Variants in RALGAPA2 observed in about 807,000 individuals in gnomAD.
RALGAPA2 encodes Ral GTPase activating protein catalytic subunit alpha 2, also known as ral GTPase-activating protein subunit alpha-2.
In RALGAPA2, 139 loss-of-function variants were observed where a neutral mutation model predicts 230.4. The ratio of observed to expected loss-of-function variants is 0.60; its 90% CI spans 0.53 to 0.69. The LOEUF is 0.69. Among genes scored for constraint, RALGAPA2 ranks in the 30% least tolerant of loss-of-function variants. RALGAPA2 has a pLI of 0.00. For missense variants in RALGAPA2, 2,163 were observed against 2,276.0 expected, an observed-to-expected ratio of 0.95 and a Z score of 1.01; for synonymous variants, 847 against 837.8, an observed-to-expected ratio of 1.01 and a Z score of -0.19.
chr20:20,530,731 G>A (rs1226742647), intron 27 of RALGAPA2, among the ~76,000 whole-genome samples: 1 of 152,146 alleles, frequency 6.6e-6, no homozygotes, highest in Non-Finnish European at 1.5e-5. Flanking sequence ...GATGGTTCAG[G>A]GGTTGAACTT....
intron 5 of RALGAPA2, among the ~76,000 whole-genome samples, chr20:20,641,680 CAA>C (rs1157260696): frequency 6.7e-6 from 1 of 149,596 alleles, no homozygotes; most frequent in African/African-American, 2.5e-5. Flanking sequence ...AAAAAAAAAG[CAA>C]AAGAGGTTGA....
intron 37 of RALGAPA2, among the ~76,000 whole-genome samples, chr20:20,435,647 T>A (rs1287067822): frequency 1.3e-5 from 2 of 152,188 alleles, no homozygotes; most frequent in Non-Finnish European, 2.9e-5. Flanking sequence ...GTCTCTCCAC[T>A]TGGGGGCAGG....
rs1424345639 is a variant in RALGAPA2 at position 20,601,816 on chromosome 20, G to A, written c.2069C>T (p.Thr690Ile). The change falls in exon 16 of 40, where the codon ACC becomes ATC. Residue 690 changes from threonine to isoleucine, a missense_variant. Coordinates refer to ENST00000202677, the MANE Select transcript of RALGAPA2 (RefSeq NM_020343.4). ...GCTGAGAGAAAAGGACCTCCCCACG[G>A]TGGTTCCTTTCTGAGGATCTAGAAC... ...GCVLDPQKGTTVGRSFSLSWR... is the reference protein window; with the variant it reads ...GCVLDPQKGTIVGRSFSLSWR... 4.3e-6 allele frequency: 7 copies of A among 1,610,506 alleles called. No homozygotes were observed. The highest frequency in any genetic ancestry group is 1.7e-5 in the Admixed American group (1 of 59,288).
In RALGAPA2 at chr20:20,487,145, T is replaced by G. The variant is rs142092258; in HGVS notation, c.5367+7972A>C. ...GGGCCTTGTACTTTTTGTTGAAAGC[T>G]GGATATGATGTATTGGGTAAAATGA... On this transcript the variant is annotated intron_variant, in intron 36 of 39. Transcript: ENST00000202677. Among the ~76,000 whole-genome samples the G allele has an allele frequency of 9.8e-5, 15 of 152,364 alleles. No homozygotes were observed. The East Asian group carries it at 2.9e-3, about 29-fold the overall frequency.
intron 36 of RALGAPA2, among the ~76,000 whole-genome samples, chr20:20,483,061 G>GT (rs2061818985): frequency 1.3e-5 from 2 of 152,316 alleles, no homozygotes; most frequent in South Asian, 2.1e-4. Flanking sequence ...TACATTCACT[G>GT]TGTGTGTCAG....
chr20:20,566,878 C>T (rs2064444873), intron 23 of RALGAPA2, among the ~76,000 whole-genome samples: 1 of 152,208 alleles, frequency 6.6e-6, no homozygotes. Flanking sequence ...AAATATGTTA[C>T]TTCAGGGCAG....
At chr20:20,678,019 G>A (rs1313711666) in intron 2 of RALGAPA2, among the ~76,000 whole-genome samples, 1 of 152,074 alleles carries the variant, frequency 6.6e-6, no homozygotes, top group East Asian at 1.9e-4. Flanking sequence ...CAAGTGTGGA[G>A]GTGGGAGACC....
At chr20:20,453,188 C>T (rs1029863283) in intron 37 of RALGAPA2, among the ~76,000 whole-genome samples, 1 of 152,148 alleles carries the variant, frequency 6.6e-6, no homozygotes, top group African/African-American at 2.4e-5. Flanking sequence ...GTTCTTAGTG[C>T]CTGGGACAGA....
chr20:20,617,314 A>C (rs193275983), intron 12 of RALGAPA2, among the ~76,000 whole-genome samples: 361 of 152,378 alleles, frequency 2.4e-3, no homozygotes, highest in Non-Finnish European at 3.4e-3. Context: ...AAGTTATCTT[A>C]GGTAAGATTA....
intron 35 of RALGAPA2, 111 bp from the exon 36 acceptor site, chr20:20,495,386 C>CA: frequency 1.2e-6 from 1 of 865,868 alleles, no homozygotes; most frequent in Non-Finnish European, 1.7e-6. Flanking sequence ...ATTTCACTAC[C>CA]AAAAAAGGCT....
chr20:20,510,623 A>G (rs532589880), intron 33 of RALGAPA2, among the ~76,000 whole-genome samples: 4 of 152,046 alleles, frequency 2.6e-5, no homozygotes, highest in Non-Finnish European at 5.9e-5. Context: ...CAAGTCCTAT[A>G]CTTATTCTTG....
At chr20:20,467,531 GC>G (rs1378324096) in intron 37 of RALGAPA2, among the ~76,000 whole-genome samples, 93 of 152,256 alleles carry the variant, frequency 6.1e-4, no homozygotes, top group African/African-American at 2.2e-3. Flanking sequence ...GATACACGTG[GC>G]CCTGCAGTCT....
chr20:20,552,799 T>C (rs1349468431), intron 23 of RALGAPA2, among the ~76,000 whole-genome samples: 1 of 152,156 alleles, frequency 6.6e-6, no homozygotes, highest in East Asian at 1.9e-4. Flanking sequence ...TGAAGAGACC[T>C]CAAAGCTCCA....
chr20:20,442,327 G>C (rs746024728), intron 37 of RALGAPA2, among the ~76,000 whole-genome samples: 2 of 152,236 alleles, frequency 1.3e-5, no homozygotes, highest in Non-Finnish European at 2.9e-5. Flanking sequence ...TGGTGGGAAT[G>C]TTCTACACTT....
rs1193790120 is a variant in RALGAPA2, at chr20:20,589,276, C to T, written c.2431G>A (p.Gly811Arg). The T allele has an allele frequency of 1.3e-6, 2 of 1,567,982 alleles. No homozygotes were observed. The highest frequency in any genetic ancestry group is 2.7e-5 in the African/African-American group (2 of 73,990). The part of the protein sequence containing the change: ...NKGHVKREHE[G>R]ITILVRRSSS... ...GCTTGAAAATATCTTACTGTTATTC[C>T]TTCATGTTCTCTCTTCACATGTCCT... Residue 811 changes from glycine (G) to arginine (R), a missense_variant, in exon 18 of 40, where the codon GGA (glycine) becomes AGA (arginine). Gly to Arg is a moderately radical substitution (Grantham distance 125, BLOSUM62 -2). Transcript: ENST00000202677.
intron 25 of RALGAPA2, 130 bp downstream of exon 25, chr20:20,536,526 C>T: frequency 2.8e-6 from 3 of 1,062,512 alleles, no homozygotes; most frequent in Non-Finnish European, 3.9e-6. Flanking sequence ...GAAACAACTA[C>T]TGAAACATTT....
intron 39 of RALGAPA2, among the ~76,000 whole-genome samples, chr20:20,395,059 C>T (rs549054198): frequency 1.3e-5 from 2 of 152,252 alleles, no homozygotes; most frequent in Admixed American, 6.5e-5. Flanking sequence ...ACCTCGAGTT[C>T]CTGCAGATGG....
At position 20,637,401 on chromosome 20, in the gene RALGAPA2, G is replaced by A. The variant is rs761820365; in HGVS notation, c.767C>T (p.Ser256Leu). 9 of 1,595,136 alleles carry A rather than the reference G, an allele frequency of 5.6e-6. No homozygotes were observed. Among genetic ancestry groups the A allele is most frequent in the Non-Finnish European group, 6.8e-6 (8 of 1,168,368 alleles). ...RKYYLPHLFP[S>L]FTKLTNIYKP... ...GTAGATGTTTGTTAACTTAGTAAATGATGGAAATAAATGAGGAAGATAATA... is the reference window on the plus strand; with the variant it reads ...GTAGATGTTTGTTAACTTAGTAAATAATGGAAATAAATGAGGAAGATAATA... Residue 256 changes from serine (S) to leucine (L), a missense_variant, in exon 8 of 40, where the codon TCA becomes TTA. By Grantham distance (145) the Ser-to-Leu change is moderately radical. Transcript: ENST00000202677.
chr20:20,429,835 C>T (rs950612635), intron 37 of RALGAPA2, among the ~76,000 whole-genome samples: 2 of 152,148 alleles, frequency 1.3e-5, no homozygotes, highest in African/African-American at 4.8e-5. Flanking sequence ...TGCTATCTTC[C>T]AAGGGGGTGA....
Sources: allele counts gnomAD v4.1 joint callset (sites outside exome capture counted in the v4.1 genomes callset), GRCh38; gene constraint gnomAD v4.1.1; transcripts MANE v1.5; gene names NCBI Gene and HGNC (gene_info 2026-07-23, HGNC 2026-07-21).